LDB2: variants seen among roughly 807,000 people sequenced by gnomAD.
LDB2 encodes LIM domain-binding protein 2.
In LDB2, 12 loss-of-function variants were observed where a neutral mutation model predicts 44.3. The observed-to-expected ratio is 0.27, with a 90% CI of 0.17 to 0.44. LDB2 has a LOEUF of 0.44. Ranked by LOEUF, LDB2 falls within the 20% of genes least tolerant of loss-of-function variation. LDB2 has a pLI of 1.00. For synonymous variants in LDB2, 164 were observed against 174.8 expected (o/e 0.94, Z 0.49); for missense variants, 344 against 473.5 (o/e 0.73, Z 2.54).
chr4:16,765,002 C>A (rs1287871446), intron 1 of LDB2, among the ~76,000 whole-genome samples: 1 of 152,202 alleles, frequency 6.6e-6, no homozygotes, highest in Non-Finnish European at 1.5e-5. Flanking sequence ...CCAGGAGGTG[C>A]ATTGAGACTG....
chr4:16,843,714 C>G (rs1361113250), intron 1 of LDB2, among the ~76,000 whole-genome samples: 1 of 152,138 alleles, frequency 6.6e-6, no homozygotes, highest in African/African-American at 2.4e-5. Context: ...CTCCACCTCC[C>G]AGGTTCAAGC....
At chr4:16,889,909 T>C (rs1722866078) in intron 1 of LDB2, among the ~76,000 whole-genome samples, 1 of 152,220 alleles carries the variant, frequency 6.6e-6, no homozygotes, top group African/African-American at 2.4e-5. Context: ...AACATTTAAG[T>C]TGCTCAGTAC....
At chr4:16,689,184 G>A (rs1749990325) in intron 2 of LDB2, among the ~76,000 whole-genome samples, 1 of 152,170 alleles carries the variant, frequency 6.6e-6, no homozygotes, top group Non-Finnish European at 1.5e-5. Flanking sequence ...TCCTACCAGA[G>A]CTGGATCACC....
Position 16,607,895 on chromosome 4 carries a change from G to C in LDB2, c.236-12020C>G, listed in dbSNP as rs554286306. On this transcript the variant is annotated intron_variant, in intron 2 of 7. Transcript: ENST00000304523. ...TCTCAAACCTGTTATGCATACGCAC[G>C]GGTTTCTAACACAGAGGTAAGGCCA... Among the ~76,000 whole-genome samples the C allele has an allele frequency of 1.1e-4, 16 of 152,150 alleles. No individual in the cohort carries two copies. The East Asian group carries it at 1.7e-3, about 17-fold the overall frequency.
At chr4:16,767,052 A>G (rs1579472934) in intron 1 of LDB2, among the ~76,000 whole-genome samples, 1 of 152,134 alleles carries the variant, frequency 6.6e-6, no homozygotes, top group Admixed American at 6.5e-5. Context: ...ACCTGTCTAT[A>G]TTTTGGTCCT....
chr4:16,579,126 GT>G (rs1196416879), intron 5 of LDB2, among the ~76,000 whole-genome samples: 1 of 151,914 alleles, frequency 6.6e-6, no homozygotes, highest in Non-Finnish European at 1.5e-5. Flanking sequence ...GCACAACAGG[GT>G]GACTACAGTA....
chr4:16,880,799 G>C (rs1465846786), intron 1 of LDB2, among the ~76,000 whole-genome samples: 2 of 151,588 alleles, frequency 1.3e-5, no homozygotes, highest in African/African-American at 4.9e-5. Context: ...AGCTACTTGG[G>C]AGGCTGAGGC....
chr4:16,505,333 TTG>T (rs113278435), intron 7 of LDB2, among the ~76,000 whole-genome samples: 19 of 151,642 alleles, frequency 1.3e-4, no homozygotes, highest in African/African-American at 4.4e-4. Flanking sequence ...AGATACTTAG[TTG>T]TGTGTGTGTG....
chr4:16,521,753 C>T (rs1034234735), intron 5 of LDB2, among the ~76,000 whole-genome samples: 2 of 152,200 alleles, frequency 1.3e-5, no homozygotes, highest in South Asian at 2.1e-4. Context: ...AGTGCTTCCT[C>T]ATCTTCCTGT....
At chr4:16,824,808 G>T (rs544801322) in intron 1 of LDB2, among the ~76,000 whole-genome samples, 3 of 152,222 alleles carry the variant, frequency 2.0e-5, no homozygotes, top group South Asian at 2.1e-4. Context: ...TCAACACATG[G>T]TTATTGAGTG....
chr4:16,669,659 C>A (rs571840249), intron 2 of LDB2, among the ~76,000 whole-genome samples: 2 of 152,356 alleles, frequency 1.3e-5, no homozygotes, highest in South Asian at 2.1e-4. Context: ...GGTGAAGTTA[C>A]TTAAGTAATT....
At chr4:16,790,539 A>G (rs1033826981) in intron 1 of LDB2, among the ~76,000 whole-genome samples, 6 of 152,172 alleles carry the variant, frequency 3.9e-5, no homozygotes, top group African/African-American at 1.4e-4. Context: ...TGTACATACC[A>G]CCTAGGTTTG....
Position 16,843,273 on chromosome 4 carries a change from G to T in LDB2, c.132+55081C>A, listed in dbSNP as rs1580157331. On this transcript the variant is annotated intron_variant, in intron 1 of 7. Coordinates refer to ENST00000304523, the MANE Select transcript of LDB2 (RefSeq NM_001290.5). ...AATAACGTTATAATACATGTCTTTG[G>T]AAAGTTAGCGTTTTCCGCATACTGG... 2.0e-5 allele frequency among the ~76,000 whole-genome samples: 3 copies of T among 151,992 alleles called. No homozygotes were observed. The East Asian group carries it at 5.8e-4, about 29-fold the overall frequency.
chr4:16,705,869 T>C (rs1754494150), intron 2 of LDB2, among the ~76,000 whole-genome samples: 1 of 152,144 alleles, frequency 6.6e-6, no homozygotes. Context: ...CAATCAGATA[T>C]AAATTTAAGA....
intron 7 of LDB2, chr4:16,506,237 A>C (rs1218629560): frequency 2.5e-6 from 1 of 394,448 alleles, no homozygotes; most frequent in Non-Finnish European, 4.5e-6. Context: ...ATTCAACTCC[A>C]GGACACATAT....
At chr4:16,790,867 T>C (rs1196638261) in intron 1 of LDB2, among the ~76,000 whole-genome samples, 4 of 152,140 alleles carry the variant, frequency 2.6e-5, no homozygotes, top group Non-Finnish European at 5.9e-5. Flanking sequence ...AAGCAATGTG[T>C]GAAACTGTTA....
chr4:16,684,578 A>C (rs1748748240), intron 2 of LDB2, among the ~76,000 whole-genome samples: 1 of 152,230 alleles, frequency 6.6e-6, no homozygotes, highest in Non-Finnish European at 1.5e-5. Context: ...ACACTTTGAA[A>C]AGGTGGTGTG....
intron 5 of LDB2, among the ~76,000 whole-genome samples, chr4:16,584,096 GT>G (rs1285015820): frequency 6.6e-6 from 1 of 152,168 alleles, no homozygotes; most frequent in Non-Finnish European, 1.5e-5. Context: ...TCGGCGCTGT[GT>G]TTCTCTACGT....
intron 5 of LDB2, among the ~76,000 whole-genome samples, chr4:16,561,610 G>A (rs1271675566): frequency 2.0e-5 from 3 of 152,150 alleles, no homozygotes; most frequent in Admixed American, 6.5e-5. Flanking sequence ...TCATGGGTAG[G>A]AAGAATCAAT....
Sources: gnomAD v4.1 joint callset for allele counts (sites outside exome capture counted in the v4.1 genomes callset) on GRCh38, gnomAD v4.1.1 for gene constraint, MANE v1.5 for transcripts, NCBI Gene and HGNC (gene_info 2026-07-23, HGNC 2026-07-21) for gene names.